Variants in EIF2AK1 observed in about 807,000 individuals in gnomAD.
EIF2AK1 encodes eukaryotic translation initiation factor 2 alpha kinase 1, also known as eukaryotic translation initiation factor 2-alpha kinase 1.
EIF2AK1 carries 54 observed loss-of-function variants against 77.9 expected under a neutral mutation model. That is an observed-to-expected ratio of 0.69 (90% CI 0.56 to 0.87). The LOEUF is 0.87. Among genes scored for constraint, EIF2AK1 ranks in the 40% least tolerant of loss-of-function variants. The pLI, the probability that EIF2AK1 is intolerant of heterozygous loss-of-function variation, is 0.00. For synonymous variants in EIF2AK1, 314 were observed against 290.5 expected (o/e 1.08, Z -0.82); for missense variants, 810 against 768.6 (o/e 1.05, Z -0.64).
Position 6,033,312 on chromosome 7 carries a change from T to A in EIF2AK1, c.1332+4112A>T, listed in dbSNP as rs1196865935. 1.3e-5 allele frequency among the ~76,000 whole-genome samples: 2 copies of A among 151,698 alleles called. No individual in the cohort carries two copies. Among genetic ancestry groups the A allele is most frequent in the East Asian group, 3.9e-4 (2 of 5,180 alleles). On this transcript the variant is annotated intron_variant, in intron 11 of 14. Coordinates refer to ENST00000199389, the MANE Select transcript of EIF2AK1 (RefSeq NM_014413.4). This position sits in a 1 kb window ranked among gnomAD's most constrained non-coding sequence, Gnocchi z 4.4. ...TAAGTGAGGATATACCTGATATAGA[T>A]TTTTTTTTCAGTTCATACATTTTTT...
Position 6,028,935 on chromosome 7 carries a change from G to C in EIF2AK1, c.1430C>G (p.Thr477Ser). 2.5e-6 allele frequency: 4 copies of C among 1,605,992 alleles called. No individual in the cohort carries two copies. Among genetic ancestry groups the C allele is most frequent in the Non-Finnish European group, 3.4e-6 (4 of 1,178,256 alleles). The change falls in exon 12 of 15, where the codon ACC becomes AGC. Residue 477 changes from threonine (T) to serine (S), a missense_variant. Physicochemically the swap from Thr to Ser is moderately conservative, Grantham distance 58 (BLOSUM62 1). This residue lies in a region of EIF2AK1 where 549 missense variants were observed against 533.7 expected (regional missense o/e 1.03). Coordinates refer to ENST00000199389, the MANE Select transcript of EIF2AK1 (RefSeq NM_014413.4). The stretch of plus-strand genomic sequence containing the variant: ...AAACTTACTCTTCCCGTTTCTGTTG[G>C]TCCAGTCTGTGTTCTTCTGTAGGAT... ...TDILQKNTDW[T>S]NRNGKRTPTH...
At chr7:6,028,594 G>T in intron 13 of EIF2AK1, 21 bp downstream of exon 13, 1 of 1,610,832 alleles carries the variant, frequency 6.2e-7, no homozygotes, top group Non-Finnish European at 8.5e-7. Flanking sequence ...GAATGAAAGG[G>T]CAGAAAGCAA....
intron 8 of EIF2AK1, among the ~76,000 whole-genome samples, chr7:6,042,046 A>T (rs1007135115): frequency 7.2e-5 from 11 of 152,114 alleles, no homozygotes; most frequent in African/African-American, 2.6e-4. Flanking sequence ...CTACTCAGGC[A>T]GCTAAGGTGG....
chr7:6,058,918 A>T, intron 1 of EIF2AK1, 48 bp downstream of exon 1: 1 of 1,449,286 alleles, frequency 6.9e-7, no homozygotes. Flanking sequence ...CCAGAAACGC[A>T]GGTGGACAGA....
chr7:6,028,248 CTGTT>C (rs1214490455), intron 13 of EIF2AK1, among the ~76,000 whole-genome samples: 1 of 104,806 alleles, frequency 9.5e-6, no homozygotes, highest in Admixed American at 1.0e-4. Flanking sequence ...TTTCATTGTA[CTGTT>C]TGTTTTTTTT....
chr7:6,035,136 G>C lies in EIF2AK1; in HGVS notation c.1332+2288C>G, dbSNP rs983772796. ...TAGCGGGGACGGCACAGGTAAAACA[G>C]GCTGCTCCAAGAAGCTGGGCCTTCT... is the stretch of plus-strand genomic sequence containing the variant. On this transcript the variant is annotated intron_variant, in intron 11 of 14. Transcript: ENST00000199389. The surrounding 1 kb of genome is among the most constrained non-coding windows in gnomAD (Gnocchi z 5.5). Among the ~76,000 whole-genome samples, 3 of 152,090 alleles carry C rather than the reference G, an allele frequency of 2.0e-5. No homozygotes were observed. The highest frequency in any genetic ancestry group is 7.2e-5 in the African/African-American group (3 of 41,406).
Position 6,035,702 on chromosome 7 carries a change from T to C in EIF2AK1, c.1332+1722A>G. On this transcript the variant is annotated intron_variant, in intron 11 of 14. Coordinates refer to ENST00000199389, the MANE Select transcript of EIF2AK1 (RefSeq NM_014413.4). The surrounding 1 kb of genome is among the most constrained non-coding windows in gnomAD (Gnocchi z 5.5). ...TTCTCTCCATTTTGACCCAAAATGG[T>C]GCCGATGTCAATGCTATTAATGAAG... is the stretch of plus-strand genomic sequence containing the variant. 1 of 1,550,708 alleles carries C rather than the reference T, an allele frequency of 6.4e-7. No homozygotes were observed. Among genetic ancestry groups the C allele is most frequent in the Non-Finnish European group, 8.7e-7 (1 of 1,147,066 alleles).
Position 6,023,163 on chromosome 7 carries a change from A to G in EIF2AK1, c.*1510T>C. ...TAGTAAGCATCTTAGAGACAGACTGAAAATGTGATGTTCTTCTTGAAAACA... is the reference window on the plus strand; with the variant it reads ...TAGTAAGCATCTTAGAGACAGACTGGAAATGTGATGTTCTTCTTGAAAACA... On this transcript the variant is annotated 3_prime_UTR_variant, in exon 15 of 15. Coordinates refer to ENST00000199389, the MANE Select transcript of EIF2AK1 (RefSeq NM_014413.4). 2 of 1,019,188 alleles carry G rather than the reference A, an allele frequency of 2.0e-6. No homozygotes were observed. Among genetic ancestry groups the G allele is most frequent in the East Asian group, 2.5e-5 (1 of 40,084 alleles). The allele number at this position is 1,019,188 out of a possible 1,614,324, so 63.1% of individuals were successfully genotyped here.
At chr7:6,028,737 C>T (rs763388999) in intron 12 of EIF2AK1, 40 bp from the exon 13 acceptor site, 24 of 1,585,282 alleles carry the variant, frequency 1.5e-5, no homozygotes, top group Middle Eastern at 1.7e-4. Context: ...TTGCAGTTAG[C>T]GCTGTCAACA....
In EIF2AK1 at chr7:6,038,686, A is replaced by G; in HGVS notation, c.1120-15T>C. 1.3e-6 allele frequency: 2 copies of G among 1,586,536 alleles called. No individual in the cohort carries two copies. The highest frequency in any genetic ancestry group is 1.7e-6 in the Non-Finnish European group (2 of 1,163,850). On this transcript the variant is annotated splice_polypyrimidine_tract_variant and intron_variant, in intron 9 of 14. Transcript: ENST00000199389. ...TGGTACTGTGCCTAGGAGAGGACAC[A>G]GTGATGGCTCCCATCTTTGCACGAT...
chr7:6,023,005 C>T lies in EIF2AK1; in HGVS notation c.*1668G>A. The T allele has an allele frequency of 6.6e-6, 2 of 302,774 alleles. No individual in the cohort carries two copies. The highest frequency in any genetic ancestry group is 1.4e-4 in the South Asian group (2 of 14,158). 18.8% of individuals were successfully genotyped at this position (302,774 alleles called of 1,614,324 possible). Reference sequence around the variant, plus strand: ...CTCCTGGGTTTCCAGCCCTCAGCCCCCAAAACCTTAGGCAGCAGGGATTGG... The same window carrying T: ...CTCCTGGGTTTCCAGCCCTCAGCCCTCAAAACCTTAGGCAGCAGGGATTGG... On this transcript the variant is annotated 3_prime_UTR_variant, in exon 15 of 15. Coordinates refer to ENST00000199389, the MANE Select transcript of EIF2AK1 (RefSeq NM_014413.4).
chr7:6,047,708 T>C (rs1788486448), intron 4 of EIF2AK1: 1 of 157,800 alleles, frequency 6.3e-6, no homozygotes, highest in African/African-American at 2.4e-5. Flanking sequence ...TTCTTTTTTA[T>C]TTATTTTTCT....
At position 6,041,007 on chromosome 7, in the gene EIF2AK1, G is replaced by C. The variant is rs1356283168; in HGVS notation, c.1004C>G (p.Ala335Gly). ...CAGCTGCTGTTCCACAATTGAACTG[G>C]CAGACAAACCAGCCAAGCCATTTTC... ...LQENGLAGLS[A>G]SSIVEQQLPL... is the part of the protein sequence containing the mutation. The change falls in exon 9 of 15, where the codon GCC becomes GGC. Residue 335 changes from alanine (A) to glycine (G), a missense_variant. Coordinates refer to ENST00000199389, the MANE Select transcript of EIF2AK1 (RefSeq NM_014413.4). 1.9e-6 allele frequency: 3 copies of C among 1,614,002 alleles called. No individual in the cohort carries two copies. In the African/African-American group the frequency reaches 4.0e-5, roughly 22 times the overall value.
rs1231436548 is a variant in EIF2AK1 at position 6,024,157 on chromosome 7, C to A, written c.*516G>T. The A allele has an allele frequency of 2.3e-6, 3 of 1,287,044 alleles. No individual in the cohort carries two copies. The Admixed American group carries it at 7.0e-5, about 30-fold the overall frequency. The allele number at this position is 1,287,044 out of a possible 1,614,324, so 79.7% of individuals were successfully genotyped here. A position where few individuals can be genotyped will look rare whatever the true frequency, so the allele number is the denominator to read the frequency against. ...AGATAAAAAGGTTGGAAGTTGCACA[C>A]TGTACACTGTTAAGAAGTTGAGCTT... On this transcript the variant is annotated 3_prime_UTR_variant, in exon 15 of 15. Coordinates refer to ENST00000199389, the MANE Select transcript of EIF2AK1 (RefSeq NM_014413.4).
At position 6,027,151 on chromosome 7, in the gene EIF2AK1, C is replaced by T. The variant is rs983182018; in HGVS notation, c.1531-190G>A. 6.6e-6 allele frequency among the ~76,000 whole-genome samples: 1 copy of T among 152,174 alleles called. No homozygotes were observed. The highest frequency in any genetic ancestry group is 6.5e-5 in the Admixed American group (1 of 15,268). The stretch of plus-strand genomic sequence containing the variant: ...CTTTCACAACCTCAAAAAGGGGCAT[C>T]CGTGGGCACGCAGAATGGATGGTCA... On this transcript the variant is annotated intron_variant, in intron 13 of 14. Coordinates refer to ENST00000199389, the MANE Select transcript of EIF2AK1 (RefSeq NM_014413.4). This position sits in a 1 kb window ranked among gnomAD's most constrained non-coding sequence, Gnocchi z 4.5.
chr7:6,033,658 C>T lies in EIF2AK1; in HGVS notation c.1332+3766G>A, dbSNP rs575883023. Among the ~76,000 whole-genome samples the T allele has an allele frequency of 6.6e-6, 1 of 152,176 alleles. No homozygotes were observed. Reference sequence around the variant, plus strand: ...CAGGCTGGAGTGCAGTGGCACCATTCTCCTGGGTTCACGCCATTCTCCTGC... The same window carrying T: ...CAGGCTGGAGTGCAGTGGCACCATTTTCCTGGGTTCACGCCATTCTCCTGC... On this transcript the variant is annotated intron_variant, in intron 11 of 14. Transcript: ENST00000199389. This position sits in a 1 kb window ranked among gnomAD's most constrained non-coding sequence, Gnocchi z 4.4.
At chr7:6,031,615 C>G in intron 11 of EIF2AK1, 1 of 1,548,692 alleles carries the variant, frequency 6.5e-7, no homozygotes, top group East Asian at 2.4e-5. Flanking sequence ...TGCTCAGTCA[C>G]TTCTGGAAAA....
At position 6,023,618 on chromosome 7, in the gene EIF2AK1, C is replaced by A. The variant is rs371505435; in HGVS notation, c.*1055G>T. 6.2e-7 allele frequency: 1 copy of A among 1,613,968 alleles called. No homozygotes were observed. The highest frequency in any genetic ancestry group is 1.3e-5 in the African/African-American group (1 of 74,888). ...GGAGGCTGCAGTGTGACAGTGCCAG[C>A]CAATGTGCAGAGGTGGATGAGGTCT... On this transcript the variant is annotated 3_prime_UTR_variant, in exon 15 of 15. Transcript: ENST00000199389.
chr7:6,030,381 G>A (rs796165827), intron 11 of EIF2AK1, among the ~76,000 whole-genome samples: 32 of 152,270 alleles, frequency 2.1e-4, no homozygotes, highest in African/African-American at 7.7e-4. Flanking sequence ...GGGTGTACCT[G>A]CCTACCAGAC....
Sources: gnomAD v4.1 joint callset for allele counts (sites outside exome capture counted in the v4.1 genomes callset) on GRCh38, gnomAD v4.1.1 for gene constraint, gnomAD v4.1.1 regional missense constraint, Gnocchi (gnomAD v3.1) non-coding constraint, MANE v1.5 for transcripts, NCBI Gene and HGNC (gene_info 2026-07-23, HGNC 2026-07-21) for gene names.